The following DMD variants were observed in gnomAD, a reference collection of about 807,000 sequenced individuals.
The protein encoded by DMD is mutant dystrophin.
In DMD, 63 loss-of-function variants were observed where a neutral mutation model predicts 330.1. That is an observed-to-expected ratio of 0.19 (90% CI 0.16 to 0.24). The LOEUF (loss-of-function observed/expected upper bound fraction) is 0.24. Ranked by LOEUF, DMD falls within the 10% of genes least tolerant of loss-of-function variation. The pLI is 1.00. For missense variants in DMD, 3,344 were observed against 2,684.1 expected (o/e 1.25, Z -5.43); for synonymous variants, 1,223 against 959.8 (o/e 1.27, Z -5.07).
chrX:32,309,921 C>T (rs2097555437), intron 42 of DMD, among the ~76,000 whole-genome samples, 161 bp downstream of exon 42: 1 of 111,185 alleles, frequency 9.0e-6, no homozygotes, highest in Non-Finnish European at 1.9e-5. Flanking sequence ...TCTTTCTACC[C>T]TAGATTTCTG....
At chrX:31,534,752 C>T (rs2074008620) in intron 55 of DMD, among the ~76,000 whole-genome samples, 1 of 42,432 alleles carries the variant, frequency 2.4e-5, no homozygotes, top group South Asian at 2.1e-3. Flanking sequence ...CGTCTCAGCC[C>T]AAAATCTCCT....
intron 11 of DMD, among the ~76,000 whole-genome samples, chrX:32,634,478 C>T (rs999325796): frequency 1.8e-5 from 2 of 112,097 alleles, no homozygotes; most frequent in African/African-American, 6.5e-5. Context: ...GAGTCTCACC[C>T]AATACCCACA....
intron 1 of DMD, among the ~76,000 whole-genome samples, chrX:33,110,200 A>T (rs1165537040): frequency 9.0e-6 from 1 of 110,726 alleles, no homozygotes; most frequent in Non-Finnish European, 1.9e-5. Context: ...TTCACAGCAT[A>T]TGGTACAAGC....
At chrX:31,999,357 G>A (rs749853578) in intron 44 of DMD, among the ~76,000 whole-genome samples, 237 of 111,669 alleles carry the variant, frequency 2.1e-3, no homozygotes, top group African/African-American at 7.4e-3. Context: ...AATGCCATAC[G>A]AAACTTTCAT....
intron 16 of DMD, among the ~76,000 whole-genome samples, chrX:32,547,814 A>G (rs1415289470): frequency 9.0e-6 from 1 of 111,325 alleles, no homozygotes; most frequent in Non-Finnish European, 1.9e-5. Flanking sequence ...TTAGCATGCA[A>G]GCAAACTTTC....
At chrX:32,963,594 C>G (rs1298940122) in intron 2 of DMD, among the ~76,000 whole-genome samples, 2 of 112,266 alleles carry the variant, frequency 1.8e-5, no homozygotes, top group African/African-American at 6.5e-5. Flanking sequence ...TTGTATTAAT[C>G]CAAATATTGA....
chrX:32,854,633 A>G (rs1368084746), intron 2 of DMD, among the ~76,000 whole-genome samples: 1 of 110,752 alleles, frequency 9.0e-6, no homozygotes, highest in African/African-American at 3.3e-5. Flanking sequence ...ACCAAACTCA[A>G]AATTAGATTG....
chrX:32,649,558 TTAAAAAAA>T (rs1450040699), intron 9 of DMD, among the ~76,000 whole-genome samples: 23 of 74,509 alleles, frequency 3.1e-4, no homozygotes, highest in African/African-American at 2.0e-3. Flanking sequence ...TCCGTCTCTT[TTAAAAAAA>T]AAAAAAAAAA....
chrX:32,016,045 C>T (rs2095757379), intron 44 of DMD, among the ~76,000 whole-genome samples: 1 of 111,430 alleles, frequency 9.0e-6, no homozygotes, highest in African/African-American at 3.3e-5. Flanking sequence ...CATAAGGAGG[C>T]AATGGTTTCT....
At chrX:31,661,459 G>A (rs2081122744) in intron 53 of DMD, among the ~76,000 whole-genome samples, 1 of 110,328 alleles carries the variant, frequency 9.1e-6, no homozygotes, top group Admixed American at 9.7e-5. Flanking sequence ...TTTTACCCAA[G>A]TGTCATTCAC....
chrX:32,148,445 TC>T (rs750346356), intron 44 of DMD, among the ~76,000 whole-genome samples: 12 of 111,576 alleles, frequency 1.1e-4, no homozygotes, highest in Admixed American at 2.9e-4. Context: ...GGTCTTAAAA[TC>T]CTTCATATCA....
At chrX:31,218,564 G>C (rs5972339) in intron 64 of DMD, among the ~76,000 whole-genome samples, 39,378 of 110,448 alleles carry the variant, frequency 0.36, 5,161 homozygotes, top group Non-Finnish European at 0.41. Flanking sequence ...TGATAACTTC[G>C]GGCTATAAGG....
chrX:32,779,924 T>A lies in DMD; in HGVS notation c.649+29569A>T, dbSNP rs191494346. Among the ~76,000 whole-genome samples the A allele has an allele frequency of 4.8e-3, 539 of 111,880 alleles. 1 individual carries two copies. The highest frequency in any genetic ancestry group is 6.8e-3 in the Non-Finnish European group (360 of 53,192). On this transcript the variant is annotated intron_variant, in intron 7 of 78. Transcript: ENST00000357033. ...ATTCAAGATATTCTTGGGAAAATAT[T>A]TAAATTATAATAATCCCAATTTAAA... is the stretch of plus-strand genomic sequence containing the variant.
chrX:33,238,024 T>C (rs1024982762), intron 1 of DMD, among the ~76,000 whole-genome samples: 1 of 112,619 alleles, frequency 8.9e-6, no homozygotes, highest in Non-Finnish European at 1.9e-5. Context: ...TGAATTTCCA[T>C]TTATGTAACA....
At chrX:32,845,658 C>A (rs1017996950) in intron 3 of DMD, among the ~76,000 whole-genome samples, 10 of 111,524 alleles carry the variant, frequency 9.0e-5, no homozygotes, top group African/African-American at 2.9e-4. Flanking sequence ...CCAATGCAAA[C>A]CACTTGCAAA....
At chrX:32,743,928 A>G (rs919452826) in intron 7 of DMD, among the ~76,000 whole-genome samples, 10 of 111,481 alleles carry the variant, frequency 9.0e-5, no homozygotes, top group Non-Finnish European at 7.5e-5. Flanking sequence ...TATATTTTAC[A>G]TAAAAAAATA....
chrX:32,769,817 GAAA>G (rs3838945), intron 7 of DMD, among the ~76,000 whole-genome samples: 11,459 of 95,392 alleles, frequency 0.12, 573 homozygotes, highest in Admixed American at 0.21. Flanking sequence ...GGAAAAACCA[GAAA>G]AAAAAAAAAA....
At chrX:32,347,189 T>C in intron 38 of DMD, among the ~76,000 whole-genome samples, 1 of 111,768 alleles carries the variant, frequency 8.9e-6, no homozygotes, top group Middle Eastern at 4.7e-3. Context: ...TATATACTTA[T>C]CATAATATAG....
At chrX:33,125,364 A>AAT (rs1216175585) in intron 1 of DMD, among the ~76,000 whole-genome samples, 14 of 111,584 alleles carry the variant, frequency 1.3e-4, no homozygotes, top group African/African-American at 4.5e-4. Flanking sequence ...AATAAAAAAT[A>AAT]ATATATATTT....
Sources: gnomAD v4.1 joint callset for allele counts (sites outside exome capture counted in the v4.1 genomes callset) on GRCh38, gnomAD v4.1.1 for gene constraint, MANE v1.5 for transcripts, NCBI Gene and HGNC (gene_info 2026-07-23, HGNC 2026-07-21) for gene names.